PIGH: variants seen among roughly 807,000 people sequenced by gnomAD.
The protein encoded by PIGH is phosphatidylinositol N-acetylglucosaminyltransferase subunit H.
PIGH carries 11 observed loss-of-function variants against 20.1 expected under a neutral mutation model. That is an observed-to-expected ratio of 0.55 (90% CI 0.34 to 0.91). The LOEUF is 0.91. Ranked by LOEUF, PIGH falls within the 40% of genes least tolerant of loss-of-function variation. The pLI is 0.02. For synonymous variants in PIGH, 72 were observed against 93.1 expected, an observed-to-expected ratio of 0.77 and a Z score of 1.31; for missense variants, 189 against 233.6, an observed-to-expected ratio of 0.81 and a Z score of 1.24.
At chr14:67,592,542 A>G in intron 3 of PIGH, 93 bp downstream of exon 3, 4 of 733,610 alleles carry the variant, frequency 5.5e-6, no homozygotes, top group Non-Finnish European at 9.6e-6. Context: ...AACAGCTGTC[A>G]GGTATCTTCC....
intron 1 of PIGH, 29 bp from the exon 2 acceptor site, chr14:67,593,981 A>C (rs2036424490): frequency 1.3e-6 from 2 of 1,483,474 alleles, no homozygotes; most frequent in Admixed American, 3.5e-5. Context: ...ACAGACAGTA[A>C]GATTACCAAG....
At chr14:67,596,572 C>A (rs1374281855) in intron 1 of PIGH, among the ~76,000 whole-genome samples, 6 of 152,216 alleles carry the variant, frequency 3.9e-5, no homozygotes, top group Non-Finnish European at 8.8e-5. Flanking sequence ...ACAAGATGCC[C>A]TCCTTTATCT....
chr14:67,591,330 A>G (rs928996308), intron 3 of PIGH, among the ~76,000 whole-genome samples: 31 of 152,228 alleles, frequency 2.0e-4, no homozygotes, highest in African/African-American at 7.0e-4. Context: ...AAGTTGTCCA[A>G]TCTCTGGAGC....
chr14:67,594,055 T>G (rs1481272337), intron 1 of PIGH, 103 bp from the exon 2 acceptor site: 1 of 747,740 alleles, frequency 1.3e-6, no homozygotes, highest in Non-Finnish European at 2.3e-6. Flanking sequence ...TTGCTTTTAT[T>G]TGGGTTCTAA....
intron 3 of PIGH, among the ~76,000 whole-genome samples, chr14:67,590,510 C>A (rs2036339085): frequency 6.6e-6 from 1 of 152,168 alleles, no homozygotes; most frequent in Non-Finnish European, 1.5e-5. Flanking sequence ...AGGCACGAAC[C>A]ACCATGCCCA....
intron 1 of PIGH, among the ~76,000 whole-genome samples, chr14:67,599,541 CTCTA>C (rs1448624964): frequency 3.3e-5 from 5 of 152,148 alleles, no homozygotes; most frequent in South Asian, 2.1e-4. Flanking sequence ...AACTATAACA[CTCTA>C]TCTATACACA....
rs527755065 is a variant in PIGH at position 67,600,212 on chromosome 14, C to T, written c.-9G>A. ...CTCCGCTCATCCTCCATGACGCCCC[C>T]ACTCGGCCGCCCGCACCGCGCGGCG... On this transcript the variant is annotated 5_prime_UTR_variant, in exon 1 of 4. Coordinates refer to ENST00000216452, the MANE Select transcript of PIGH (RefSeq NM_004569.5). The T allele has an allele frequency of 3.0e-5, 47 of 1,562,022 alleles. No homozygotes were observed. The highest frequency in any genetic ancestry group is 3.8e-5 in the Non-Finnish European group (44 of 1,155,258).
At position 67,595,324 on chromosome 14, in the gene PIGH, C is replaced by T. The variant is rs74640994; in HGVS notation, c.181-1372G>A. On this transcript the variant is annotated intron_variant, in intron 1 of 3. Coordinates refer to ENST00000216452, the MANE Select transcript of PIGH (RefSeq NM_004569.5). ...GAAGTACCGTTCCTACTTGAAGTAC[C>T]GTTCCTACTGACTTTGTATTGTTTC... Among the ~76,000 whole-genome samples the T allele has an allele frequency of 7.0e-3, 1,063 of 152,152 alleles. 15 individuals are homozygous for T. Among genetic ancestry groups the T allele is most frequent in the African/African-American group, 0.024 (986 of 41,494 alleles).
intron 3 of PIGH, chr14:67,592,355 T>G (rs1268000530): frequency 4.4e-6 from 2 of 450,200 alleles, no homozygotes; most frequent in Admixed American, 3.5e-5. Context: ...CAGGAGGATT[T>G]CTTGAGCCTG....
chr14:67,599,374 A>T (rs1029021294), intron 1 of PIGH, among the ~76,000 whole-genome samples: 2 of 152,232 alleles, frequency 1.3e-5, no homozygotes, highest in African/African-American at 2.4e-5. Context: ...GATGTAGAAA[A>T]TTGAGGCTCA....
chr14:67,589,930 G>A lies in PIGH; in HGVS notation c.*150C>T. 1 of 1,302,304 alleles carries A rather than the reference G, an allele frequency of 7.7e-7. No homozygotes were observed. Among genetic ancestry groups the A allele is most frequent in the Non-Finnish European group, 9.8e-7 (1 of 1,023,820 alleles). 80.7% of individuals were successfully genotyped at this position (1,302,304 alleles called of 1,614,324 possible). ...GGAAATATACTGAGTTAGATTTCCA[G>A]TCACCTGCTCTATGGCTCTAAGATG... On this transcript the variant is annotated 3_prime_UTR_variant, in exon 4 of 4. Transcript: ENST00000216452.
In PIGH at chr14:67,589,414, T is replaced by C. The variant is rs2036297380; in HGVS notation, c.*666A>G. On this transcript the variant is annotated 3_prime_UTR_variant, in exon 4 of 4. Transcript: ENST00000216452. ...TTTGTCTCATCCTTCTTGGCAAAAG[T>C]AGCTTTTGAACTGATATAAAAAAAA... 1 of 985,316 alleles carries C rather than the reference T, an allele frequency of 1.0e-6. No individual in the cohort carries two copies. Among genetic ancestry groups the C allele is most frequent in the Non-Finnish European group, 1.2e-6 (1 of 829,828 alleles). The allele number at this position is 985,316 out of a possible 1,614,324, so 61.0% of individuals were successfully genotyped here.
chr14:67,593,490 C>CA (rs5809356), intron 2 of PIGH: 4,615 of 330,138 alleles, frequency 0.014, 14 homozygotes, highest in Non-Finnish European at 0.019. Flanking sequence ...GACCCTGTCT[C>CA]AAAAAAAAAA....
intron 1 of PIGH, among the ~76,000 whole-genome samples, chr14:67,598,469 T>C (rs552981463): frequency 2.6e-5 from 4 of 152,280 alleles, no homozygotes; most frequent in Admixed American, 2.0e-4. Flanking sequence ...CTTTGAGACT[T>C]TGGATAAGTC....
At chr14:67,593,660 G>A (rs927847992) in intron 2 of PIGH, 83 bp downstream of exon 2, 36 of 782,136 alleles carry the variant, frequency 4.6e-5, no homozygotes, top group Non-Finnish European at 6.9e-5. Context: ...CACTTTTACG[G>A]TTTTAGTTTA....
chr14:67,591,953 A>T (rs1230361931), intron 3 of PIGH: 1 of 151,974 alleles, frequency 6.6e-6, no homozygotes, highest in Non-Finnish European at 1.5e-5. Context: ...ATTTAAAATA[A>T]TAAATATAAT....
Position 67,589,392 on chromosome 14 carries a change from G to C in PIGH, c.*688C>G. On this transcript the variant is annotated 3_prime_UTR_variant, in exon 4 of 4. Transcript: ENST00000216452. Reference sequence around the variant, plus strand: ...AAGTCCAATTTCTGTCTGGCCTTTTGTCTCATCCTTCTTGGCAAAAGTAGC... The same window carrying C: ...AAGTCCAATTTCTGTCTGGCCTTTTCTCTCATCCTTCTTGGCAAAAGTAGC... 2 of 984,996 alleles carry C rather than the reference G, an allele frequency of 2.0e-6. No individual in the cohort carries two copies. Among genetic ancestry groups the C allele is most frequent in the Non-Finnish European group, 2.4e-6 (2 of 829,598 alleles). 61.0% of individuals were successfully genotyped at this position (984,996 alleles called of 1,614,324 possible).
At position 67,596,468 on chromosome 14, in the gene PIGH, GA is replaced by G. The variant is rs1214554206; in HGVS notation, c.181-2517del. Among the ~76,000 whole-genome samples, 12 of 151,770 alleles carry G rather than the reference GA, an allele frequency of 7.9e-5. No individual in the cohort carries two copies. The East Asian group carries it at 2.3e-3, about 29-fold the overall frequency. On this transcript the variant is annotated intron_variant, in intron 1 of 3. Transcript: ENST00000216452. ...GCTATGATTTAGAAGACTGGCACAG[GA>G]AAAAAATTATTGATGACCTAGAATC...
rs2036311031 is a variant in PIGH at position 67,589,707 on chromosome 14, A to G, written c.*373T>C. 1.0e-6 allele frequency: 1 copy of G among 999,702 alleles called. No individual in the cohort carries two copies. Among genetic ancestry groups the G allele is most frequent in the Non-Finnish European group, 1.2e-6 (1 of 838,974 alleles). The allele number at this position is 999,702 out of a possible 1,614,324, so 61.9% of individuals were successfully genotyped here. Reference sequence around the variant, plus strand: ...CACAAGGGGTACTATTGGAAAATATAGCTTTCTCAAGACATCTGATGTCAG... The same window carrying G: ...CACAAGGGGTACTATTGGAAAATATGGCTTTCTCAAGACATCTGATGTCAG... On this transcript the variant is annotated 3_prime_UTR_variant, in exon 4 of 4. Transcript: ENST00000216452.
Sources: gnomAD v4.1 joint callset for allele counts (sites outside exome capture counted in the v4.1 genomes callset) on GRCh38, gnomAD v4.1.1 for gene constraint, MANE v1.5 for transcripts, NCBI Gene and HGNC (gene_info 2026-07-23, HGNC 2026-07-21) for gene names.